Variants in CTNND2 observed in about 807,000 individuals in gnomAD.
The protein encoded by CTNND2 is catenin delta-2.
CTNND2 carries 22 observed loss-of-function variants against 144.4 expected under a neutral mutation model. The observed-to-expected ratio is 0.15, with a 90% CI of 0.11 to 0.22. CTNND2 has a LOEUF of 0.22. Among genes scored for constraint, CTNND2 ranks in the 10% least tolerant of loss-of-function variants. The pLI is 1.00. For synonymous variants in CTNND2, 751 were observed against 695.6 expected (o/e 1.08, Z -1.25); for missense variants, 1,353 against 1,618.8 (o/e 0.84, Z 2.82).
chr5:11,902,044 G>A (rs562586883), intron 1 of CTNND2, among the ~76,000 whole-genome samples: 47 of 152,296 alleles, frequency 3.1e-4, no homozygotes, highest in African/African-American at 1.1e-3. Context: ...ACTAATCACA[G>A]TATTCAATCA....
intron 3 of CTNND2, among the ~76,000 whole-genome samples, chr5:11,442,057 G>A (rs575009592): frequency 3.9e-5 from 6 of 152,060 alleles, no homozygotes; most frequent in Admixed American, 2.0e-4. Flanking sequence ...AAAAAAGAAC[G>A]AAATACATAT....
chr5:11,541,805 G>A (rs186777629), intron 3 of CTNND2, among the ~76,000 whole-genome samples: 123 of 149,778 alleles, frequency 8.2e-4, no homozygotes, highest in African/African-American at 2.8e-3. Flanking sequence ...TAATCCTCAC[G>A]AGTCAGATTT....
chr5:11,471,419 GTTTC>G (rs1449462587), intron 3 of CTNND2, among the ~76,000 whole-genome samples: 5 of 152,078 alleles, frequency 3.3e-5, no homozygotes, highest in African/African-American at 9.7e-5. Flanking sequence ...TTCTTCGATT[GTTTC>G]TTTAACAAAG....
intron 1 of CTNND2, among the ~76,000 whole-genome samples, chr5:11,739,827 T>C (rs571624906): frequency 2.6e-5 from 4 of 152,274 alleles, no homozygotes; most frequent in African/African-American, 7.2e-5. Flanking sequence ...CTTAAGCTGA[T>C]AGGCAACTTC....
chr5:11,897,347 A>T (rs957633300), intron 1 of CTNND2, among the ~76,000 whole-genome samples: 1 of 152,244 alleles, frequency 6.6e-6, no homozygotes, highest in Non-Finnish European at 1.5e-5. Flanking sequence ...AGTCATGCTT[A>T]GACTTAAATA....
chr5:10,990,970 A>G (rs1184217718), intron 19 of CTNND2, among the ~76,000 whole-genome samples: 1 of 152,196 alleles, frequency 6.6e-6, no homozygotes, highest in East Asian at 1.9e-4. Context: ...AAAAGACACC[A>G]TCCATATGCT....
intron 2 of CTNND2, among the ~76,000 whole-genome samples, chr5:11,669,444 G>C (rs1783756253): frequency 6.6e-6 from 1 of 152,150 alleles, no homozygotes; most frequent in Non-Finnish European, 1.5e-5. Flanking sequence ...TTCAGAACTT[G>C]TTATTGATCT....
chr5:11,311,035 A>C (rs1227675750), intron 9 of CTNND2, among the ~76,000 whole-genome samples: 2 of 104,316 alleles, frequency 1.9e-5, no homozygotes, highest in African/African-American at 7.7e-5. Context: ...TCACACACAC[A>C]CTCTTACCCC....
intron 13 of CTNND2, 96 bp from the exon 14 acceptor site, chr5:11,111,139 T>C: frequency 1.5e-6 from 2 of 1,329,866 alleles, no homozygotes; most frequent in Non-Finnish European, 2.1e-6. Flanking sequence ...CATGGACACA[T>C]TTCTCTTTGG....
chr5:11,327,262 C>T (rs1752625784), intron 9 of CTNND2, among the ~76,000 whole-genome samples: 1 of 152,106 alleles, frequency 6.6e-6, no homozygotes, highest in African/African-American at 2.4e-5. Flanking sequence ...ATAAGTGATT[C>T]TGGGATGAAC....
chr5:11,678,300 G>A (rs559220139), intron 2 of CTNND2, among the ~76,000 whole-genome samples: 40 of 152,208 alleles, frequency 2.6e-4, no homozygotes, highest in African/African-American at 8.7e-4. Context: ...TAACAAATCC[G>A]ATATCTATCA....
chr5:11,232,495 A>G (rs1741139313), intron 10 of CTNND2, among the ~76,000 whole-genome samples: 2 of 152,208 alleles, frequency 1.3e-5, no homozygotes, highest in Admixed American at 6.5e-5. Context: ...TTAAGGATTA[A>G]TGATTGCCCT....
Position 10,988,021 on chromosome 5 carries a change from C to T in CTNND2, c.3343+90G>A. 1 of 1,548,834 alleles carries T rather than the reference C, an allele frequency of 6.5e-7. No homozygotes were observed. The highest frequency in any genetic ancestry group is 8.8e-7 in the Non-Finnish European group (1 of 1,139,024). ...AGTCCTGCTCAGCAGCCAAGCGCAG[C>T]CAGCCCCGTGAAGCCTGATGTCCCA... On this transcript the variant is annotated intron_variant, in intron 20 of 21. Coordinates refer to ENST00000304623, the MANE Select transcript of CTNND2 (RefSeq NM_001332.4). This position sits in a 1 kb window ranked among gnomAD's most constrained non-coding sequence, Gnocchi z 5.9.
At chr5:11,603,825 C>T (rs1261250034) in intron 2 of CTNND2, among the ~76,000 whole-genome samples, 2 of 152,116 alleles carry the variant, frequency 1.3e-5, no homozygotes, top group Non-Finnish European at 2.9e-5. Context: ...CAGATGTGGT[C>T]CCACCCTCAC....
chr5:11,630,824 G>T (rs1301328167), intron 2 of CTNND2, among the ~76,000 whole-genome samples: 2 of 151,956 alleles, frequency 1.3e-5, no homozygotes, highest in Admixed American at 1.3e-4. Context: ...CGTGGTGGTG[G>T]GTGTCTGTAA....
chr5:11,623,818 A>ATATATATATG (rs1781002217), intron 2 of CTNND2, among the ~76,000 whole-genome samples: 4 of 65,586 alleles, frequency 6.1e-5, no homozygotes. Context: ...GTATATATAT[A>ATATATATATG]TATATATATA....
intron 3 of CTNND2, among the ~76,000 whole-genome samples, chr5:11,430,352 AC>A (rs1249868018): frequency 2.7e-5 from 4 of 150,216 alleles, no homozygotes; most frequent in Non-Finnish European, 5.9e-5. Context: ...GGGACATGAA[AC>A]AAAAAAAAAA....
intron 18 of CTNND2, among the ~76,000 whole-genome samples, chr5:11,008,738 T>C (rs1308248180): frequency 6.6e-6 from 1 of 152,162 alleles, no homozygotes; most frequent in Non-Finnish European, 1.5e-5. Context: ...CTCCAGATTA[T>C]ATAAGATTAG....
intron 16 of CTNND2, among the ~76,000 whole-genome samples, chr5:11,057,730 C>T (rs1212184733): frequency 2.0e-5 from 3 of 152,128 alleles, no homozygotes; most frequent in Non-Finnish European, 2.9e-5. Flanking sequence ...ATTTGAAGGG[C>T]TCAGAATAAG....
Sources: allele counts gnomAD v4.1 joint callset (sites outside exome capture counted in the v4.1 genomes callset), GRCh38; gene constraint gnomAD v4.1.1; non-coding constraint Gnocchi (gnomAD v3.1); transcripts MANE v1.5; gene names NCBI Gene and HGNC (gene_info 2026-07-23, HGNC 2026-07-21).